Variants in ABAT observed in about 807,000 individuals in gnomAD.
ABAT encodes the protein 4-aminobutyrate aminotransferase, mitochondrial.
In ABAT, 45 loss-of-function variants were observed where a neutral mutation model predicts 64.6. That is an observed-to-expected ratio of 0.70 (90% CI 0.55 to 0.89). The LOEUF is 0.89. Among genes scored for constraint, ABAT ranks in the 40% least tolerant of loss-of-function variants. The probability of loss-of-function intolerance (pLI) is 0.00; values close to 1 mark genes in which losing one functional copy is unlikely to be tolerated. For missense variants in ABAT, 633 were observed against 658.4 expected (o/e 0.96, Z 0.42); for synonymous variants, 297 against 250.5 (o/e 1.19, Z -1.75).
intron 1 of ABAT, chr16:8,714,968 T>G (rs896123796): frequency 1.3e-5 from 2 of 152,316 alleles, no homozygotes; most frequent in African/African-American, 4.8e-5. Flanking sequence ...CCTGCCAAGC[T>G]CTAATTATCG....
intron 5 of ABAT, among the ~76,000 whole-genome samples, chr16:8,755,815 C>T (rs905598968): frequency 6.6e-6 from 1 of 152,056 alleles, no homozygotes; most frequent in East Asian, 1.9e-4. Flanking sequence ...TTTGGGAGGC[C>T]GAGGTGGGTG....
intron 1 of ABAT, among the ~76,000 whole-genome samples, chr16:8,676,891 A>G (rs2057215134): frequency 6.6e-6 from 1 of 152,148 alleles, no homozygotes; most frequent in South Asian, 2.1e-4. Flanking sequence ...ATTGCATGGG[A>G]AAAGAGCTGA....
intron 6 of ABAT, among the ~76,000 whole-genome samples, chr16:8,762,195 A>G (rs2059817546): frequency 6.6e-6 from 1 of 152,178 alleles, no homozygotes; most frequent in African/African-American, 2.4e-5. Context: ...CACCAGGCCC[A>G]TCTCATTACA....
At position 8,777,642 on chromosome 16, in the gene ABAT, A is replaced by G. The variant is rs571642692; in HGVS notation, c.1269+1152A>G. 6.6e-5 allele frequency among the ~76,000 whole-genome samples: 10 copies of G among 152,270 alleles called. No homozygotes were observed. In the East Asian group the frequency reaches 1.5e-3, roughly 23 times the overall value. ...GTCTAAATGGAAGAGACTTTAATCT[A>G]AACCATCCCAGGGCCACACTCTGTG... On this transcript the variant is annotated intron_variant, in intron 14 of 15. Coordinates refer to ENST00000268251, the MANE Select transcript of ABAT (RefSeq NM_020686.6).
intron 5 of ABAT, among the ~76,000 whole-genome samples, chr16:8,756,814 G>T (rs904486282): frequency 6.6e-6 from 1 of 152,180 alleles, no homozygotes; most frequent in Non-Finnish European, 1.5e-5. Flanking sequence ...TCACAATTAA[G>T]ATCCATGCTC....
At chr16:8,681,453 C>T in intron 1 of ABAT, among the ~76,000 whole-genome samples, 1 of 132,540 alleles carries the variant, frequency 7.5e-6, no homozygotes, top group Non-Finnish European at 1.6e-5. Flanking sequence ...TTCTCAGCCT[C>T]TACACTTTTT....
intron 1 of ABAT, among the ~76,000 whole-genome samples, chr16:8,690,328 T>C (rs920924621): frequency 6.6e-6 from 1 of 152,198 alleles, no homozygotes; most frequent in Non-Finnish European, 1.5e-5. Flanking sequence ...TTTCTCCTCA[T>C]TCACCATCAT....
At position 8,781,279 on chromosome 16, in the gene ABAT, C is replaced by T. The variant is rs200203278; in HGVS notation, c.1382-30C>T. The T allele has an allele frequency of 3.4e-5, 55 of 1,613,720 alleles. No individual in the cohort carries two copies. The highest frequency in any genetic ancestry group is 8.0e-5 in the African/African-American group (6 of 75,034). On this transcript the variant is annotated intron_variant, in intron 15 of 15. Transcript: ENST00000268251. This position sits in a 1 kb window ranked among gnomAD's most constrained non-coding sequence, Gnocchi z 4.5. The stretch of plus-strand genomic sequence containing the variant: ...CCCAGCATGTGACTTTGAGAAACCA[C>T]GCTCCTCACCTACCTCCTGCCTCTT...
chr16:8,713,405 C>T (rs553890221), intron 1 of ABAT: 13 of 162,466 alleles, frequency 8.0e-5, no homozygotes, highest in Admixed American at 5.9e-4. Context: ...GGGCTTAAAA[C>T]ATCTTTTAAA....
intron 1 of ABAT, among the ~76,000 whole-genome samples, chr16:8,678,470 T>C (rs2057255700): frequency 6.6e-6 from 1 of 152,202 alleles, no homozygotes; most frequent in South Asian, 2.1e-4. Context: ...AAACTAAGCC[T>C]CACAAAGGTT....
At chr16:8,772,718 C>T (rs2060149101) in intron 11 of ABAT, 62 bp from the exon 12 acceptor site, 1 of 1,610,584 alleles carries the variant, frequency 6.2e-7, no homozygotes. Flanking sequence ...CCCAGATTCC[C>T]ACCCACGGAT....
chr16:8,764,178 C>T lies in ABAT; in HGVS notation c.447+29C>T. On this transcript the variant is annotated intron_variant, in intron 7 of 15. Coordinates refer to ENST00000268251, the MANE Select transcript of ABAT (RefSeq NM_020686.6). The surrounding 1 kb of genome is among the most constrained non-coding windows in gnomAD (Gnocchi z 4.2). ...AGTTCTGGAGAAGCAATCCCATTGT[C>T]TTCAGACGTGGTACTGGCAGGGGAA... 1 of 1,587,756 alleles carries T rather than the reference C, an allele frequency of 6.3e-7. No individual in the cohort carries two copies. The highest frequency in any genetic ancestry group is 8.6e-7 in the Non-Finnish European group (1 of 1,157,518).
In ABAT at chr16:8,781,908, C is replaced by T; in HGVS notation, c.*478C>T. ...CACTCTCACCTCCTCTCCCAGCCTCCCGGAGCTCTGAGCACGCCCCACGCA... is the reference window on the plus strand; with the variant it reads ...CACTCTCACCTCCTCTCCCAGCCTCTCGGAGCTCTGAGCACGCCCCACGCA... On this transcript the variant is annotated 3_prime_UTR_variant, in exon 16 of 16. Coordinates refer to ENST00000268251, the MANE Select transcript of ABAT (RefSeq NM_020686.6). This position sits in a 1 kb window ranked among gnomAD's most constrained non-coding sequence, Gnocchi z 4.5. 3.2e-6 allele frequency: 1 copy of T among 308,824 alleles called. No homozygotes were observed. Among genetic ancestry groups the T allele is most frequent in the Non-Finnish European group, 6.3e-6 (1 of 158,998 alleles). The allele number at this position is 308,824 out of a possible 1,614,324, so 19.1% of individuals were successfully genotyped here.
intron 5 of ABAT, among the ~76,000 whole-genome samples, chr16:8,755,507 G>A (rs2059623771): frequency 6.6e-6 from 1 of 152,204 alleles, no homozygotes; most frequent in African/African-American, 2.4e-5. Context: ...TTTTCTCAGA[G>A]AGAGACCCTG....
intron 1 of ABAT, chr16:8,715,733 T>A (rs1396247075): frequency 6.6e-6 from 1 of 151,828 alleles, no homozygotes; most frequent in Non-Finnish European, 1.5e-5. Flanking sequence ...TTATAGTATT[T>A]TTATGTCATG....
chr16:8,783,221 A>C lies in ABAT; in HGVS notation c.*1791A>C, dbSNP rs560604691. 8 of 152,202 alleles carry C rather than the reference A, an allele frequency of 5.3e-5. No individual in the cohort carries two copies. The highest frequency in any genetic ancestry group is 1.2e-4 in the Non-Finnish European group (8 of 68,024). The allele number at this position is 152,202 out of a possible 1,614,324, so 9.4% of individuals were successfully genotyped here. A position where few individuals can be genotyped will look rare whatever the true frequency, so the allele number is the denominator to read the frequency against. Reference sequence around the variant, plus strand: ...TCATTCATTCACCTAACTTTCATTAAATAGCTGCACCATCCCAGGCCCTGT... The same window carrying C: ...TCATTCATTCACCTAACTTTCATTACATAGCTGCACCATCCCAGGCCCTGT... On this transcript the variant is annotated 3_prime_UTR_variant, in exon 16 of 16. Transcript: ENST00000268251.
chr16:8,688,665 C>G (rs1270038540), intron 1 of ABAT, among the ~76,000 whole-genome samples: 1 of 152,180 alleles, frequency 6.6e-6, no homozygotes, highest in Non-Finnish European at 1.5e-5. Flanking sequence ...GTTGCCCAGG[C>G]TAGTCTCAAA....
At chr16:8,721,603 G>A (rs1459354057) in intron 1 of ABAT, among the ~76,000 whole-genome samples, 1 of 152,204 alleles carries the variant, frequency 6.6e-6, no homozygotes, top group Non-Finnish European at 1.5e-5. Flanking sequence ...CAATCCTGCA[G>A]ATTACCGAAA....
chr16:8,683,551 T>TAA (rs145313959), intron 1 of ABAT: 9,953 of 135,464 alleles, frequency 0.073, 412 homozygotes, highest in South Asian at 0.12. Flanking sequence ...ACCCTGTTTC[T>TAA]AAAAAAAAAA....
Sources: gnomAD v4.1 joint callset for allele counts (sites outside exome capture counted in the v4.1 genomes callset) on GRCh38, gnomAD v4.1.1 for gene constraint, Gnocchi (gnomAD v3.1) non-coding constraint, MANE v1.5 for transcripts, NCBI Gene and HGNC (gene_info 2026-07-23, HGNC 2026-07-21) for gene names.